The following RGS5 variants were observed in gnomAD, a reference collection of about 807,000 sequenced individuals.
The protein encoded by RGS5 is regulator of G protein signaling 5, also known as regulator of G-protein signalling 5.
Under a neutral mutation model 18.9 loss-of-function variants are expected in RGS5, and 20 were observed. The ratio of observed to expected loss-of-function variants is 1.06; its 90% CI spans 0.74 to 1.54. The LOEUF (loss-of-function observed/expected upper bound fraction) is 1.54. Among genes scored for constraint, RGS5 ranks in the 40% most tolerant of loss-of-function variants. The pLI is 0.00. For synonymous variants in RGS5, 57 were observed against 76.2 expected (o/e 0.75, Z 1.31); for missense variants, 201 against 211.8 (o/e 0.95, Z 0.32).
At chr1:163,179,652 T>C (rs1658720124) in intron 1 of RGS5, among the ~76,000 whole-genome samples, 2 of 152,320 alleles carry the variant, frequency 1.3e-5, no homozygotes, top group Admixed American at 1.3e-4. Context: ...GAATATGTTA[T>C]TTGAGCTCTC....
chr1:163,259,444 G>A (rs191623593), intron 2 of RGS5, among the ~76,000 whole-genome samples: 233 of 152,032 alleles, frequency 1.5e-3, no homozygotes, highest in African/African-American at 5.4e-3. Flanking sequence ...GATTACAGGC[G>A]TGAGCCACCA....
intron 1 of RGS5, among the ~76,000 whole-genome samples, chr1:163,196,637 C>G (rs1659573380): frequency 6.6e-6 from 1 of 152,176 alleles, no homozygotes; most frequent in Admixed American, 6.5e-5. Context: ...GGCAGTACAA[C>G]TTCCTAGAGC....
intron 2 of RGS5, chr1:163,260,257 T>C (rs144171603): frequency 3.3e-5 from 5 of 152,350 alleles, no homozygotes; most frequent in East Asian, 1.9e-4. Context: ...AGTCAATTGA[T>C]GAGATCTTTG....
intron 2 of RGS5, among the ~76,000 whole-genome samples, chr1:163,252,244 C>T (rs943001636): frequency 5.9e-5 from 9 of 152,062 alleles, no homozygotes; most frequent in Non-Finnish European, 5.9e-5. Context: ...TTCATATATT[C>T]TTGATGTAAT....
intron 1 of RGS5, chr1:163,321,216 G>C (rs1273170350): frequency 6.6e-6 from 1 of 152,216 alleles, no homozygotes; most frequent in Non-Finnish European, 1.5e-5. Context: ...GATCGAAGAG[G>C]GAGAAGCTAA....
In RGS5 at chr1:163,168,332, G is replaced by T; in HGVS notation, c.81C>A (p.Leu27=). 1 of 1,613,828 alleles carries T rather than the reference G, an allele frequency of 6.2e-7. No individual in the cohort carries two copies. Among genetic ancestry groups the T allele is most frequent in the Non-Finnish European group, 8.5e-7 (1 of 1,179,790 alleles). ...GGTCACCAACTGAGTCTGGCTTCTG[G>T]AGGAGAATTCCCAACTTGATCTTAA... ...KEIKIKLGIL[L]QKPDSVGDLV... Residue 27 remains leucine, a synonymous_variant, in exon 2 of 5, where the codon CTC becomes CTA. Transcript: ENST00000313961.
chr1:163,187,819 G>T (rs575421938), intron 1 of RGS5, among the ~76,000 whole-genome samples: 73 of 152,250 alleles, frequency 4.8e-4, no homozygotes, highest in African/African-American at 1.7e-3. Context: ...ACCCAAAGAG[G>T]GGTCCTGGGA....
At chr1:163,267,092 C>A (rs1156472902) in intron 2 of RGS5, among the ~76,000 whole-genome samples, 1 of 151,978 alleles carries the variant, frequency 6.6e-6, no homozygotes, top group South Asian at 2.1e-4. Context: ...AAGCCCTAAC[C>A]CTCAATGTAA....
At chr1:163,314,055 G>C (rs1409640565) in intron 1 of RGS5, among the ~76,000 whole-genome samples, 1 of 151,772 alleles carries the variant, frequency 6.6e-6, no homozygotes, top group East Asian at 1.9e-4. Context: ...AATAGGAAGA[G>C]AAACTACTTC....
chr1:163,208,663 C>T (rs554595258), intron 1 of RGS5, among the ~76,000 whole-genome samples: 62 of 150,534 alleles, frequency 4.1e-4, no homozygotes, highest in Middle Eastern at 7.2e-3. Flanking sequence ...ACAGCAAGAA[C>T]GCAAGAGAAG....
At chr1:163,222,249 T>A (rs570974530), upstream of RGS5, among the ~76,000 whole-genome samples, 10 of 152,012 alleles carry the variant, frequency 6.6e-5, 1 homozygote, top group African/African-American at 2.4e-4. Context: ...TCCTGTTGGA[T>A]CAACAGCAGC....
At chr1:163,247,875 G>A (rs1647988474) in intron 2 of RGS5, among the ~76,000 whole-genome samples, 1 of 151,998 alleles carries the variant, frequency 6.6e-6, no homozygotes, top group Non-Finnish European at 1.5e-5. Context: ...GGCCCATGGC[G>A]GATGATCAAT....
rs1434786120 is a variant in RGS5 at position 163,147,478 on chromosome 1, T to A, written c.410A>T (p.Asp137Val). The change falls in exon 5 of 5, where the codon GAC becomes GTC. Residue 137 changes from aspartate to valine, a missense_variant. Physicochemically the swap from Asp to Val is radical, Grantham distance 152. Coordinates refer to ENST00000313961, the MANE Select transcript of RGS5 (RefSeq NM_003617.4). ...TTCCACCAGGTTCTTCATTGTGATG[T>A]CCTTAGTGAAGTGGTCAATATTCAC... ...KEVNIDHFTK[D>V]ITMKNLVEPS... The A allele has an allele frequency of 6.2e-7, 1 of 1,607,538 alleles. No individual in the cohort carries two copies. Among genetic ancestry groups the A allele is most frequent in the Admixed American group, 1.7e-5 (1 of 59,128 alleles).
At chr1:163,235,559 T>G (rs571052269) in intron 2 of RGS5, among the ~76,000 whole-genome samples, 1 of 152,238 alleles carries the variant, frequency 6.6e-6, no homozygotes, top group Admixed American at 6.5e-5. Flanking sequence ...TAACCTATGG[T>G]TCTTCTCATC....
intron 2 of RGS5, among the ~76,000 whole-genome samples, chr1:163,162,434 C>T (rs1161402730): frequency 6.6e-6 from 1 of 152,148 alleles, no homozygotes; most frequent in Non-Finnish European, 1.5e-5. Context: ...ACATCCACAT[C>T]CCAAAGCTGT....
chr1:163,168,793 C>T (rs1472124581), intron 1 of RGS5, among the ~76,000 whole-genome samples: 1 of 152,014 alleles, frequency 6.6e-6, no homozygotes, highest in Non-Finnish European at 1.5e-5. Flanking sequence ...CATGCATTGC[C>T]TACTAGTCTT....
intron 2 of RGS5, among the ~76,000 whole-genome samples, chr1:163,261,690 T>C (rs1296683614): frequency 1.3e-5 from 2 of 152,160 alleles, no homozygotes; most frequent in African/African-American, 4.8e-5. Context: ...CCTGAAAGGT[T>C]TGAAAAACAA....
chr1:163,202,150 G>A (rs946965719), intron 1 of RGS5, among the ~76,000 whole-genome samples: 2 of 152,128 alleles, frequency 1.3e-5, no homozygotes, highest in Non-Finnish European at 2.9e-5. Flanking sequence ...TAGCCATCCA[G>A]TTACTTCTAT....
intron 2 of RGS5, among the ~76,000 whole-genome samples, chr1:163,232,105 C>A (rs6700309): frequency 0.052 from 7,563 of 145,940 alleles, 223 homozygotes; most frequent in South Asian, 0.097. Context: ...TTGTGAAATG[C>A]AAAGATGGCG....
Sources: allele counts gnomAD v4.1 joint callset (sites outside exome capture counted in the v4.1 genomes callset), GRCh38; gene constraint gnomAD v4.1.1; transcripts MANE v1.5; gene names NCBI Gene and HGNC (gene_info 2026-07-23, HGNC 2026-07-21).